The following MYO18B variants were observed in gnomAD, a reference collection of about 807,000 sequenced individuals.
MYO18B encodes the protein unconventional myosin-XVIIIb.
A neutral mutation model predicts 273.0 loss-of-function variants in MYO18B; 204 were observed. The observed-to-expected ratio is 0.75, with a 90% CI of 0.67 to 0.84. The LOEUF is 0.84. MYO18B is among the 40% of genes least tolerant of loss of function. The pLI, the probability that MYO18B is intolerant of heterozygous loss-of-function variation, is 0.00. For missense variants in MYO18B, 3,212 were observed against 3,287.6 expected (o/e 0.98, Z 0.56); for synonymous variants, 1,330 against 1,305.7 (o/e 1.02, Z -0.40).
intron 3 of MYO18B, among the ~76,000 whole-genome samples, chr22:25,764,319 A>G (rs133891): frequency 0.25 from 37,487 of 152,136 alleles, 4,928 homozygotes; most frequent in African/African-American, 0.33. Context: ...CAGGATGACA[A>G]GGTGGACCAT....
chr22:25,769,486 AGGGAT>A, intron 4 of MYO18B, 58 bp downstream of exon 4: 1 of 1,324,488 alleles, frequency 7.6e-7, no homozygotes. Flanking sequence ...CCAGAGATGC[AGGGAT>A]GGGAAAGATC....
intron 8 of MYO18B, among the ~76,000 whole-genome samples, chr22:25,779,397 G>A (rs2145648831): frequency 6.6e-6 from 1 of 152,286 alleles, no homozygotes; most frequent in Middle Eastern, 3.4e-3. Context: ...AACCAGGAAA[G>A]GGCAGATCCT....
chr22:25,964,758 T>G (rs2092958681), intron 39 of MYO18B: 1 of 152,260 alleles, frequency 6.6e-6, no homozygotes, highest in African/African-American at 2.4e-5. Context: ...CATAACCCTT[T>G]AGTTAACAAC....
chr22:25,887,768 CAT>C (rs774860724), intron 25 of MYO18B, among the ~76,000 whole-genome samples: 56 of 152,276 alleles, frequency 3.7e-4, no homozygotes, highest in African/African-American at 9.1e-4. Flanking sequence ...CTGAGAAAAA[CAT>C]GTGTCATTTC....
intron 12 of MYO18B, among the ~76,000 whole-genome samples, chr22:25,821,701 C>T (rs1010116051): frequency 6.6e-6 from 1 of 152,082 alleles, no homozygotes; most frequent in African/African-American, 2.4e-5. Flanking sequence ...GGTGTGAACC[C>T]AGGAGGCGGA....
rs73154133 is a variant in MYO18B, at chr22:25,943,318, G to A, written c.5518-2819G>A. On this transcript the variant is annotated intron_variant, in intron 34 of 43. Transcript: ENST00000335473. ...ACTTCCACCCCTTCCACCCCGGCTGGAGCACCTCCACCGCCTCCTTCCTGC... is the reference window on the plus strand; with the variant it reads ...ACTTCCACCCCTTCCACCCCGGCTGAAGCACCTCCACCGCCTCCTTCCTGC... Among the ~76,000 whole-genome samples the A allele has an allele frequency of 5.5e-3, 842 of 152,138 alleles. 3 individuals are homozygous for A. Among genetic ancestry groups the A allele is most frequent in the Non-Finnish European group, 9.2e-3 (625 of 68,006 alleles).
intron 8 of MYO18B, among the ~76,000 whole-genome samples, chr22:25,779,117 A>G (rs1175610105): frequency 1.3e-5 from 2 of 152,182 alleles, no homozygotes; most frequent in African/African-American, 2.4e-5. Flanking sequence ...TGCTTTATAC[A>G]TAAAAAGAGT....
At chr22:26,006,556 G>A (rs750585672) in intron 42 of MYO18B, 5 of 201,864 alleles carry the variant, frequency 2.5e-5, no homozygotes, top group Middle Eastern at 1.5e-3. Flanking sequence ...TAAAGTCAAC[G>A]TTTTTAGAAC....
chr22:25,925,435 C>T (rs957633997), intron 34 of MYO18B, among the ~76,000 whole-genome samples: 2 of 152,126 alleles, frequency 1.3e-5, no homozygotes, highest in African/African-American at 4.8e-5. Flanking sequence ...TTATTTCCCC[C>T]TATTTTAAAA....
chr22:25,783,774 C>G (rs1233880246), intron 10 of MYO18B, among the ~76,000 whole-genome samples: 1 of 152,224 alleles, frequency 6.6e-6, no homozygotes, highest in Non-Finnish European at 1.5e-5. Flanking sequence ...TGGGCCAAAG[C>G]TGCCTCTGAG....
rs539403491 is a variant in MYO18B at position 26,023,152 on chromosome 22, C to G, written c.6471-3293C>G. 3.2e-4 allele frequency among the ~76,000 whole-genome samples: 49 copies of G among 152,200 alleles called. No individual in the cohort carries two copies. The South Asian group carries it at 9.6e-3, about 30-fold the overall frequency. On this transcript the variant is annotated intron_variant, in intron 42 of 43. Coordinates refer to ENST00000335473, the MANE Select transcript of MYO18B (RefSeq NM_032608.7). ...CACCGCCCTTCTGGGTCTCCTTCCT[C>G]TTTCTCTCCATCTCATTTCAACTTC...
intron 42 of MYO18B, among the ~76,000 whole-genome samples, chr22:26,005,980 T>TAATTA (rs1308901527): frequency 6.6e-6 from 1 of 152,214 alleles, no homozygotes; most frequent in Admixed American, 6.5e-5. Context: ...TTACTGCTCT[T>TAATTA]AATTAAAAAC....
chr22:25,820,251 A>C (rs1421732194), intron 12 of MYO18B, among the ~76,000 whole-genome samples: 1 of 151,888 alleles, frequency 6.6e-6, no homozygotes, highest in Non-Finnish European at 1.5e-5. Flanking sequence ...AGTGCAGAGT[A>C]ATTGGCACAT....
intron 42 of MYO18B, among the ~76,000 whole-genome samples, chr22:26,014,312 A>G (rs558951298): frequency 8.1e-4 from 123 of 152,344 alleles, no homozygotes; most frequent in Non-Finnish European, 1.5e-3. Context: ...TCATAAATCA[A>G]GTGATCTTAT....
downstream of MYO18B, among the ~76,000 whole-genome samples, chr22:26,033,706 CTTTCT>C (rs577728069): frequency 3.5e-4 from 54 of 152,274 alleles, no homozygotes; most frequent in East Asian, 8.9e-3. Flanking sequence ...ACTTCATCCT[CTTTCT>C]TTTCTTTTCT....
rs713816 is a variant in MYO18B, at chr22:25,771,118, T to C, written c.1692+134T>C. Reference sequence around the variant, plus strand: ...CCAATACCATTTTGGCTTGATGCCCTGGAGGGAGTTATAGTGAAGAACCCC... The same window carrying C: ...CCAATACCATTTTGGCTTGATGCCCCGGAGGGAGTTATAGTGAAGAACCCC... On this transcript the variant is annotated intron_variant, in intron 6 of 43. Transcript: ENST00000335473. 368,660 of 670,878 alleles carry C rather than the reference T, an allele frequency of 0.55. 103,643 individuals carry two copies. Among genetic ancestry groups the C allele is most frequent in the East Asian group, 0.77 (28,168 of 36,376 alleles). 41.6% of individuals were successfully genotyped at this position (670,878 alleles called of 1,614,324 possible).
At chr22:25,805,785 A>G (rs897198967) in intron 12 of MYO18B, among the ~76,000 whole-genome samples, 3 of 152,018 alleles carry the variant, frequency 2.0e-5, no homozygotes, top group African/African-American at 4.8e-5. Context: ...CTCTCTTGCT[A>G]TTCCCTGCAA....
chr22:25,751,190 G>C (rs775446755), intron 1 of MYO18B, among the ~76,000 whole-genome samples: 1 of 152,200 alleles, frequency 6.6e-6, no homozygotes, highest in Non-Finnish European at 1.5e-5. Flanking sequence ...CCCTGATTTT[G>C]TCGTGTCCCC....
intron 12 of MYO18B, among the ~76,000 whole-genome samples, chr22:25,820,936 G>A (rs2089254621): frequency 6.6e-6 from 1 of 152,028 alleles, no homozygotes; most frequent in African/African-American, 2.4e-5. Flanking sequence ...TGTGATATTT[G>A]TCTTTCTGTG....
Sources: gnomAD v4.1 joint callset for allele counts (sites outside exome capture counted in the v4.1 genomes callset) on GRCh38, gnomAD v4.1.1 for gene constraint, MANE v1.5 for transcripts, NCBI Gene and HGNC (gene_info 2026-07-23, HGNC 2026-07-21) for gene names.